Variants in C5orf34 observed in about 807,000 individuals in gnomAD.
The protein encoded by C5orf34 is chromosome 5 open reading frame 34.
In C5orf34, 73 loss-of-function variants were observed where a neutral mutation model predicts 78.4. The ratio of observed to expected loss-of-function variants is 0.93; its 90% CI spans 0.77 to 1.13. C5orf34 has a LOEUF of 1.13. C5orf34 is among the 50% of genes most tolerant of loss of function. The pLI is 0.00. For synonymous variants in C5orf34, 251 were observed against 246.6 expected (o/e 1.02, Z -0.17); for missense variants, 730 against 732.7 (o/e 1.00, Z 0.04).
intron 6 of C5orf34, 123 bp downstream of exon 6, chr5:43,502,249 A>T: frequency 1.1e-6 from 1 of 910,668 alleles, no homozygotes; most frequent in East Asian, 2.5e-5. Context: ...TTATATTAAT[A>T]CTCCAGACTG....
chr5:43,491,791 G>A (rs1342164447), intron 10 of C5orf34, among the ~76,000 whole-genome samples: 1 of 151,960 alleles, frequency 6.6e-6, no homozygotes, highest in Non-Finnish European at 1.5e-5. Flanking sequence ...ATCACCTGAG[G>A]TCGGGAGTTC....
At chr5:43,489,468 T>C (rs1745186167) in intron 11 of C5orf34, among the ~76,000 whole-genome samples, 1 of 152,130 alleles carries the variant, frequency 6.6e-6, no homozygotes, top group Non-Finnish European at 1.5e-5. Context: ...CAGTTTTTAG[T>C]GTGTATTGAC....
intron 6 of C5orf34, chr5:43,495,743 G>A (rs1745489287): frequency 3.2e-6 from 5 of 1,583,114 alleles, no homozygotes; most frequent in Non-Finnish European, 4.3e-6. Context: ...AGTTGGATGA[G>A]TTGGTGGTAG....
At chr5:43,496,065 G>T in intron 6 of C5orf34, 1 of 1,579,682 alleles carries the variant, frequency 6.3e-7, no homozygotes, top group South Asian at 1.1e-5. Context: ...TCTCAGGTCT[G>T]CCCATTCTTG....
chr5:43,513,203 TGAG>T (rs1361770159), intron 1 of C5orf34, among the ~76,000 whole-genome samples: 1 of 152,218 alleles, frequency 6.6e-6, no homozygotes, highest in Non-Finnish European at 1.5e-5. Flanking sequence ...TGGTCTCTCC[TGAG>T]GAGATTCACA....
chr5:43,494,314 C>A (rs1404639638), intron 7 of C5orf34, among the ~76,000 whole-genome samples, 196 bp downstream of exon 7: 2 of 152,114 alleles, frequency 1.3e-5, no homozygotes, highest in Non-Finnish European at 1.5e-5. Flanking sequence ...AATTACAAAG[C>A]CAGAAGTAAT....
intron 11 of C5orf34, among the ~76,000 whole-genome samples, chr5:43,488,840 T>C (rs1430933026): frequency 6.6e-6 from 1 of 152,094 alleles, no homozygotes; most frequent in Non-Finnish European, 1.5e-5. Flanking sequence ...TCTGCAAAAT[T>C]AATGAAGACA....
Position 43,490,693 on chromosome 5 carries a change from C to G in C5orf34, c.1617G>C (p.Leu539=). ...GCATCTCTCTGGGACTAGTCTGGGT[C>G]AGTCTCCTGCACCATGATGTTACTG... ...VTTVTSWCRR[L]TQTSPREMPT... is the part of the protein sequence containing the mutation. The change falls in exon 11 of 13, where the codon CTG becomes CTC. Residue 539 remains leucine, a synonymous_variant. Transcript: ENST00000306862. 2.5e-6 allele frequency: 4 copies of G among 1,609,864 alleles called. No homozygotes were observed. In the South Asian group the frequency reaches 3.3e-5, roughly 13 times the overall value.
chr5:43,501,263 A>G (rs1745746395), intron 6 of C5orf34, among the ~76,000 whole-genome samples: 7 of 152,230 alleles, frequency 4.6e-5, no homozygotes, highest in South Asian at 2.1e-4. Flanking sequence ...CTGATGTACT[A>G]TATAAACACA....
chr5:43,511,709 C>T (rs1746268186), intron 1 of C5orf34, among the ~76,000 whole-genome samples: 1 of 152,212 alleles, frequency 6.6e-6, no homozygotes. Context: ...CCTTGGGATG[C>T]TGTTGATCTA....
At chr5:43,502,328 T>C (rs778330388) in intron 6 of C5orf34, 44 bp downstream of exon 6, 5 of 1,601,258 alleles carry the variant, frequency 3.1e-6, no homozygotes, top group Non-Finnish European at 3.4e-6. Flanking sequence ...TAGAAAGAGC[T>C]ATACAGCAAA....
At chr5:43,507,492 CA>C (rs1170929426) in intron 3 of C5orf34, among the ~76,000 whole-genome samples, 2 of 152,136 alleles carry the variant, frequency 1.3e-5, no homozygotes, top group Non-Finnish European at 2.9e-5. Flanking sequence ...GCAGCATCAG[CA>C]ACAAGCTAGG....
chr5:43,490,942 T>C (rs1437277936), intron 10 of C5orf34, among the ~76,000 whole-genome samples: 1 of 152,204 alleles, frequency 6.6e-6, no homozygotes, highest in Non-Finnish European at 1.5e-5. Flanking sequence ...ATGATTTACT[T>C]ATATTTGTGA....
chr5:43,489,100 C>T (rs779148952), intron 11 of C5orf34, among the ~76,000 whole-genome samples: 4 of 148,000 alleles, frequency 2.7e-5, no homozygotes, highest in Non-Finnish European at 6.0e-5. Context: ...TGCAAAATAT[C>T]TTTTTTTTTT....
At chr5:43,489,673 C>T (rs1745203251) in intron 11 of C5orf34, among the ~76,000 whole-genome samples, 1 of 152,096 alleles carries the variant, frequency 6.6e-6, no homozygotes, top group Admixed American at 6.5e-5. Flanking sequence ...AAGCTGGATC[C>T]TTAAGCTACC....
intron 5 of C5orf34, among the ~76,000 whole-genome samples, chr5:43,503,075 G>C (rs1173218740): frequency 6.6e-6 from 1 of 152,184 alleles, no homozygotes; most frequent in African/African-American, 2.4e-5. Context: ...ATAGGAAAAG[G>C]AGAGCCCCCT....
chr5:43,500,611 G>A (rs1231364547), intron 6 of C5orf34, among the ~76,000 whole-genome samples: 1 of 152,186 alleles, frequency 6.6e-6, no homozygotes, highest in Non-Finnish European at 1.5e-5. Context: ...GGCTGGGCTT[G>A]TCTCGAACTC....
In C5orf34 at chr5:43,492,241, C is replaced by G. The variant is rs373800239; in HGVS notation, c.1554G>C (p.Gln518His). ...TFPDGQEQLI[Q>H]IEHPEPYERY... Reference sequence around the variant, plus strand: ...TTTCATATGGTTCAGGGTGTTCAATCTGAATTAACTGCTCTTGTCCATCAG... The same window carrying G: ...TTTCATATGGTTCAGGGTGTTCAATGTGAATTAACTGCTCTTGTCCATCAG... Residue 518 changes from glutamine (Q) to histidine (H), a missense_variant, in exon 10 of 13, where the codon CAG becomes CAC. Coordinates refer to ENST00000306862, the MANE Select transcript of C5orf34 (RefSeq NM_198566.4). The G allele has an allele frequency of 5.4e-5, 87 of 1,611,784 alleles. No homozygotes were observed. The highest frequency in any genetic ancestry group is 6.9e-5 in the Non-Finnish European group (81 of 1,179,028).
At chr5:43,490,513 C>T in intron 11 of C5orf34, 118 bp downstream of exon 11, 1 of 635,048 alleles carries the variant, frequency 1.6e-6, no homozygotes, top group South Asian at 2.0e-5. Context: ...AGGAGTTAAA[C>T]ATATTCAAAA....
Sources: gnomAD v4.1 joint callset for allele counts (sites outside exome capture counted in the v4.1 genomes callset) on GRCh38, gnomAD v4.1.1 for gene constraint, MANE v1.5 for transcripts, NCBI Gene and HGNC (gene_info 2026-07-23, HGNC 2026-07-21) for gene names.